The following MMS22L variants were observed in gnomAD, a reference collection of about 807,000 sequenced individuals.
MMS22L encodes protein MMS22-like.
MMS22L carries 74 observed loss-of-function variants against 159.1 expected under a neutral mutation model. The observed-to-expected ratio is 0.47, with a 90% CI of 0.39 to 0.56. The LOEUF is 0.56. MMS22L is among the 20% of genes least tolerant of loss of function. The probability of loss-of-function intolerance (pLI) is 0.00; values close to 1 mark genes in which losing one functional copy is unlikely to be tolerated. For synonymous variants in MMS22L, 517 were observed against 506.9 expected (o/e 1.02, Z -0.27); for missense variants, 1,351 against 1,422.1 (o/e 0.95, Z 0.80).
At chr6:97,175,194 C>G (rs1273412698) in intron 18 of MMS22L, among the ~76,000 whole-genome samples, 1 of 152,060 alleles carries the variant, frequency 6.6e-6, no homozygotes, top group African/African-American at 2.4e-5. Flanking sequence ...GACTATTTCC[C>G]AAACAAAAAA....
chr6:97,169,331 A>C (rs1803288294), intron 19 of MMS22L, among the ~76,000 whole-genome samples: 1 of 152,122 alleles, frequency 6.6e-6, no homozygotes, highest in Non-Finnish European at 1.5e-5. Context: ...AGGATATATT[A>C]TTACTATTGA....
intron 14 of MMS22L, among the ~76,000 whole-genome samples, chr6:97,189,525 C>T (rs1011131677): frequency 7.7e-6 from 1 of 129,624 alleles, no homozygotes; most frequent in African/African-American, 3.0e-5. Context: ...TGCACTCCAG[C>T]CTGGGCAACA....
chr6:97,215,527 A>G (rs1808914839), intron 14 of MMS22L, among the ~76,000 whole-genome samples: 2 of 152,116 alleles, frequency 1.3e-5, no homozygotes, highest in Admixed American at 1.3e-4. Flanking sequence ...CAGACTGAAT[A>G]GCAGGTCATC....
rs116924380 is a variant in MMS22L at position 97,241,181 on chromosome 6, A to G, written c.1182+5447T>C. On this transcript the variant is annotated intron_variant, in intron 11 of 24. Coordinates refer to ENST00000683635, the MANE Select transcript of MMS22L (RefSeq NM_001350599.2). ...CTGAGTAGTATTCCATGTTCTATAT[A>G]TAAGAAGTTTTCTCTATTCACTCAT... Among the ~76,000 whole-genome samples, 50 of 152,312 alleles carry G rather than the reference A, an allele frequency of 3.3e-4. No homozygotes were observed. The East Asian group carries it at 8.1e-3, about 25-fold the overall frequency.
intron 8 of MMS22L, chr6:97,266,143 G>A (rs753167079): frequency 6.6e-6 from 1 of 152,068 alleles, no homozygotes; most frequent in African/African-American, 2.4e-5. Context: ...TGTTATAATG[G>A]CTATTACCAA....
At position 97,225,593 on chromosome 6, in the gene MMS22L, G is replaced by C. The variant is rs544489006; in HGVS notation, c.2039+3301C>G. 3.4e-5 allele frequency among the ~76,000 whole-genome samples: 5 copies of C among 147,108 alleles called. No homozygotes were observed. In the East Asian group the frequency reaches 8.0e-4, roughly 24 times the overall value. ...CGAAGTTTTTTTTTTTTTCTTTTGA[G>C]ACCCAGTCTCGCTCTGTCACACAGG... On this transcript the variant is annotated intron_variant, in intron 14 of 24. Transcript: ENST00000683635.
At chr6:97,276,039 A>C (rs1816212787) in intron 4 of MMS22L, among the ~76,000 whole-genome samples, 1 of 152,172 alleles carries the variant, frequency 6.6e-6, no homozygotes, top group South Asian at 2.1e-4. Flanking sequence ...AGAGAAAAAA[A>C]ACAGCTGTCA....
rs112955514 is a variant in MMS22L, at chr6:97,235,265, G to A, written c.1183-1285C>T. Among the ~76,000 whole-genome samples, 1,104 of 152,246 alleles carry A rather than the reference G, an allele frequency of 7.3e-3. 15 individuals carry two copies. The highest frequency in any genetic ancestry group is 0.025 in the African/African-American group (1,031 of 41,544). ...AAGAAGTTTCAGGTTTTTGCATAAG[G>A]AAATAGGTCAATGGTGCTATTTCCT... is the stretch of plus-strand genomic sequence containing the variant. On this transcript the variant is annotated intron_variant, in intron 11 of 24. Transcript: ENST00000683635.
rs766810436 is a variant in MMS22L, at chr6:97,165,431, A to G, written c.3036T>C (p.Ser1012=). 9 of 1,612,706 alleles carry G rather than the reference A, an allele frequency of 5.6e-6. No individual in the cohort carries two copies. The highest frequency in any genetic ancestry group is 2.2e-5 in the East Asian group (1 of 44,828). The change falls in exon 21 of 25, where the codon TCT becomes TCC. Residue 1012 remains serine (S), a synonymous_variant. Coordinates refer to ENST00000683635, the MANE Select transcript of MMS22L (RefSeq NM_001350599.2). The stretch of plus-strand genomic sequence containing the variant: ...GATTCAAATAGGCATTCGGATTTTG[A>G]GATTGACAACACACGATACACATGC... ...LQGMCIVCCQ[S]QNPNAYLNQL... is the part of the protein sequence containing the mutation.
In MMS22L at chr6:97,145,061, C is replaced by CAAAA. The variant is rs1485290171; in HGVS notation, c.*1744_*1745insTTTT. 6.9e-5 allele frequency: 10 copies of CAAAA among 144,856 alleles called. No individual in the cohort carries two copies. Among genetic ancestry groups the CAAAA allele is most frequent in the African/African-American group, 2.7e-4 (10 of 36,492 alleles). 9.0% of individuals were successfully genotyped at this position (144,856 alleles called of 1,614,324 possible). On this transcript the variant is annotated 3_prime_UTR_variant, in exon 25 of 25. Coordinates refer to ENST00000683635, the MANE Select transcript of MMS22L (RefSeq NM_001350599.2). ...ACACACACACACACACACACACACA[C>CAAAA]ACACAAAAACACATATACACATAAA... is the stretch of plus-strand genomic sequence containing the variant.
At chr6:97,268,559 C>T (rs1056720034) in intron 7 of MMS22L, among the ~76,000 whole-genome samples, 2 of 151,820 alleles carry the variant, frequency 1.3e-5, no homozygotes, top group Non-Finnish European at 2.9e-5. Context: ...CTTTAAGAAG[C>T]ATTAATGCAA....
At chr6:97,230,807 A>G (rs1014682986) in intron 13 of MMS22L, 4 of 152,414 alleles carry the variant, frequency 2.6e-5, no homozygotes, top group African/African-American at 9.6e-5. Context: ...CCATACCCTT[A>G]TAAGAATTAC....
Position 97,181,915 on chromosome 6 carries a change from G to A in MMS22L, c.2373C>T (p.Val791=). 6.2e-7 allele frequency: 1 copy of A among 1,612,430 alleles called. No homozygotes were observed. The highest frequency in any genetic ancestry group is 8.5e-7 in the Non-Finnish European group (1 of 1,179,360). The change falls in exon 16 of 25, where the codon GTC becomes GTT. Residue 791 remains valine (V), a synonymous_variant. Coordinates refer to ENST00000683635, the MANE Select transcript of MMS22L (RefSeq NM_001350599.2). ...ATAAAAGCACGTACCTATTTTGTAG[G>A]ACATGACTTAAATATCTTGCTACAA... The part of the protein sequence containing the change: ...PQVVARYLSH[V]LQNSTLCEAL...
chr6:97,168,939 T>C (rs1472604027), intron 19 of MMS22L, among the ~76,000 whole-genome samples: 1 of 152,116 alleles, frequency 6.6e-6, no homozygotes, highest in Non-Finnish European at 1.5e-5. Flanking sequence ...CATGAAACTC[T>C]ATATTTATTT....
chr6:97,161,268 T>G (rs1398188741), intron 22 of MMS22L, among the ~76,000 whole-genome samples: 1 of 152,072 alleles, frequency 6.6e-6, no homozygotes, highest in African/African-American at 2.4e-5. Context: ...AGACAATGGT[T>G]TTGGCAGGAC....
chr6:97,211,949 A>T (rs935797414), intron 14 of MMS22L, among the ~76,000 whole-genome samples: 2 of 152,214 alleles, frequency 1.3e-5, no homozygotes, highest in African/African-American at 4.8e-5. Flanking sequence ...GCCACCTATC[A>T]TCTATATGAC....
At chr6:97,232,322 C>T (rs1810959127) in intron 12 of MMS22L, among the ~76,000 whole-genome samples, 1 of 152,038 alleles carries the variant, frequency 6.6e-6, no homozygotes, top group African/African-American at 2.4e-5. Flanking sequence ...TGCCCAGATG[C>T]CTTATTTCAT....
chr6:97,225,027 C>T (rs1238359750), intron 14 of MMS22L, among the ~76,000 whole-genome samples: 1 of 151,920 alleles, frequency 6.6e-6, no homozygotes, highest in East Asian at 1.9e-4. Context: ...AGATGAGCCA[C>T]AAAAAAGTCT....
chr6:97,250,780 C>A (rs1365781987), intron 10 of MMS22L, among the ~76,000 whole-genome samples: 2 of 152,020 alleles, frequency 1.3e-5, no homozygotes, highest in South Asian at 2.1e-4. Flanking sequence ...CAAAGCAGTT[C>A]ACGTTTAAAA....
Sources: gnomAD v4.1 joint callset for allele counts (sites outside exome capture counted in the v4.1 genomes callset) on GRCh38, gnomAD v4.1.1 for gene constraint, MANE v1.5 for transcripts, NCBI Gene and HGNC (gene_info 2026-07-23, HGNC 2026-07-21) for gene names.